Variants in POGLUT1 observed in about 807,000 individuals in gnomAD.
The protein encoded by POGLUT1 is protein O-glucosyltransferase 1, also known as 9630046K23Rik.
POGLUT1 carries 32 observed loss-of-function variants against 61.3 expected under a neutral mutation model. The observed-to-expected ratio is 0.52, with a 90% CI of 0.39 to 0.70. The LOEUF (loss-of-function observed/expected upper bound fraction) is 0.70. Among genes scored for constraint, POGLUT1 ranks in the 30% least tolerant of loss-of-function variants. The pLI is 0.00. For synonymous variants in POGLUT1, 158 were observed against 158.2 expected (o/e 1.00, Z 0.01); for missense variants, 411 against 469.8 (o/e 0.87, Z 1.16).
chr3:119,485,395 A>C lies in POGLUT1; in HGVS notation c.638+8A>C, dbSNP rs1199577837. ...ATATTTCCGAGGATCAAGGTGAGTT[A>C]TTTTCTGACATTTTACAAAGATATT... On this transcript the variant is annotated splice_region_variant and intron_variant, in intron 6 of 10. Transcript: ENST00000295588. 1.8e-5 allele frequency: 29 copies of C among 1,577,778 alleles called. No homozygotes were observed. The highest frequency in any genetic ancestry group is 2.4e-5 in the Non-Finnish European group (28 of 1,148,934).
Position 119,471,433 on chromosome 3 carries a change from G to A in POGLUT1, c.301G>A (p.Asp101Asn). 1 of 1,614,078 alleles carries A rather than the reference G, an allele frequency of 6.2e-7. No individual in the cohort carries two copies. The highest frequency in any genetic ancestry group is 8.5e-7 in the Non-Finnish European group (1 of 1,179,944). The change falls in exon 3 of 11, where the codon GAC (aspartate) becomes AAC (asparagine). Residue 101 changes from aspartate (D) to asparagine (N), a missense_variant. Coordinates refer to ENST00000295588, the MANE Select transcript of POGLUT1 (RefSeq NM_152305.3). ...TAAGAACAGACTGTACCGGGAAAAT[G>A]ACTGCATGTTCCCCTCAAGGTAAGA... Reference protein sequence around the residue: ...ITKNRLYRENDCMFPSRCSGV... With the variant: ...ITKNRLYRENNCMFPSRCSGV...
intron 5 of POGLUT1, among the ~76,000 whole-genome samples, chr3:119,480,437 G>T (rs924890819): frequency 1.3e-5 from 2 of 151,690 alleles, no homozygotes; most frequent in Non-Finnish European, 2.9e-5. Context: ...TAGTAGAGAC[G>T]GGGTGTCTCC....
chr3:119,470,392 A>G (rs1411508594), intron 2 of POGLUT1, among the ~76,000 whole-genome samples: 1 of 152,176 alleles, frequency 6.6e-6, no homozygotes, highest in African/African-American at 2.4e-5. Context: ...CCTGGCCAAC[A>G]TGGTGAAACC....
chr3:119,491,481 G>C, intron 9 of POGLUT1, 37 bp from the exon 10 acceptor site: 1 of 1,010,430 alleles, frequency 9.9e-7, no homozygotes, highest in Non-Finnish European at 1.5e-6. Context: ...AATGAAGTTG[G>C]TCTATATTTC....
chr3:119,473,810 G>A (rs1422992122), intron 3 of POGLUT1, among the ~76,000 whole-genome samples: 7 of 151,888 alleles, frequency 4.6e-5, no homozygotes, highest in African/African-American at 9.7e-5. Context: ...ACAGGCGCCC[G>A]CCACCACACC....
At chr3:119,471,475 T>C (rs749368102) in intron 3 of POGLUT1, 23 bp downstream of exon 3, 22 of 1,610,076 alleles carry the variant, frequency 1.4e-5, no homozygotes, top group African/African-American at 2.7e-5. Context: ...GAGGTAGATA[T>C]ATCTTCTGAC....
rs558061518 is a variant in POGLUT1, at chr3:119,491,170, AT to A, written c.966-340del. ...ATCATGGTGATATCTGTGTATATAT[AT>A]TTTTTTTCTATATATAAATATATTT... On this transcript the variant is annotated intron_variant, in intron 9 of 10. Transcript: ENST00000295588. 3.7e-3 allele frequency among the ~76,000 whole-genome samples: 544 copies of A among 147,926 alleles called. 2 individuals carry two copies. The highest frequency in any genetic ancestry group is 1.0e-2 in the African/African-American group (408 of 40,854).
chr3:119,479,529 A>G (rs1051193926), intron 4 of POGLUT1, among the ~76,000 whole-genome samples: 6 of 152,208 alleles, frequency 3.9e-5, no homozygotes, highest in Non-Finnish European at 8.8e-5. Context: ...GCATAGAACC[A>G]TTAAGTAACT....
chr3:119,493,176 A>G lies in POGLUT1; in HGVS notation c.*738A>G, dbSNP rs997888137. ...AAAAAAAAAAAGACAAAGCCTCTTA[A>G]TAAATTTAATGGAACTATACATAGA... is the stretch of plus-strand genomic sequence containing the variant. On this transcript the variant is annotated 3_prime_UTR_variant, in exon 11 of 11. Transcript: ENST00000295588. 4 of 151,230 alleles carry G rather than the reference A, an allele frequency of 2.6e-5. No homozygotes were observed. Among genetic ancestry groups the G allele is most frequent in the Non-Finnish European group, 5.9e-5 (4 of 67,850 alleles). 9.4% of individuals were successfully genotyped at this position (151,230 alleles called of 1,614,324 possible). A position where few individuals can be genotyped will look rare whatever the true frequency, so the allele number is the denominator to read the frequency against.
At position 119,486,929 on chromosome 3, in the gene POGLUT1, G is replaced by A. The variant is rs1218715596; in HGVS notation, c.735G>A (p.Met245Ile). 22 of 1,598,446 alleles carry A rather than the reference G, an allele frequency of 1.4e-5. No individual in the cohort carries two copies. Among genetic ancestry groups the A allele is most frequent in the East Asian group, 2.2e-5 (1 of 44,822 alleles). Residue 245 changes from methionine (M) to isoleucine (I), a missense_variant, in exon 7 of 11, where the codon ATG (methionine) becomes ATA (isoleucine). By Grantham distance (10) the Met-to-Ile change is conservative. Coordinates refer to ENST00000295588, the MANE Select transcript of POGLUT1 (RefSeq NM_152305.3). ...EYTKNQAWKSMKDTLGKPAAK... is the reference protein window; with the variant it reads ...EYTKNQAWKSIKDTLGKPAAK... ...CCAAAAACCAGGCCTGGAAATCTATGAAAGTAATCACCAGTCATCTGACTA... is the reference window on the plus strand; with the variant it reads ...CCAAAAACCAGGCCTGGAAATCTATAAAAGTAATCACCAGTCATCTGACTA...
intron 2 of POGLUT1, among the ~76,000 whole-genome samples, chr3:119,470,289 C>T (rs952411903): frequency 2.6e-5 from 4 of 152,194 alleles, no homozygotes; most frequent in African/African-American, 9.7e-5. Flanking sequence ...AGAAAATGCA[C>T]ATCAGGCTGG....
intron 4 of POGLUT1, chr3:119,478,412 G>A (rs2081565630): frequency 1.3e-5 from 6 of 456,560 alleles, no homozygotes; most frequent in South Asian, 3.1e-5. Context: ...CTCATTTCTC[G>A]AAAGTGTTTG....
At chr3:119,489,552 G>A (rs2081714590) in intron 8 of POGLUT1, 1 of 152,760 alleles carries the variant, frequency 6.5e-6, no homozygotes, top group Non-Finnish European at 1.5e-5. Context: ...CAGAGTAGGA[G>A]CTATATGGTG....
intron 9 of POGLUT1, among the ~76,000 whole-genome samples, chr3:119,491,223 ATATC>A (rs1447589052): frequency 2.0e-5 from 3 of 148,072 alleles, no homozygotes; most frequent in South Asian, 4.2e-4. Context: ...AATAATATAA[ATATC>A]TAATATAATA....
intron 8 of POGLUT1, chr3:119,490,274 G>A (rs2081725589): frequency 1.5e-5 from 6 of 404,734 alleles, no homozygotes; most frequent in Non-Finnish European, 2.7e-5. Flanking sequence ...ACTCTACCCG[G>A]CACCCAGCTC....
intron 7 of POGLUT1, chr3:119,488,048 A>G (rs1470177394): frequency 6.6e-6 from 1 of 152,214 alleles, no homozygotes; most frequent in Non-Finnish European, 1.5e-5. Context: ...TCCATATACC[A>G]TATGAGGATG....
chr3:119,471,762 G>C (rs1327355074), intron 3 of POGLUT1: 8 of 358,840 alleles, frequency 2.2e-5, no homozygotes, highest in Non-Finnish European at 3.2e-5. Flanking sequence ...CCTAGCAGGA[G>C]GGAGCTAGGC....
chr3:119,490,688 T>C lies in POGLUT1; in HGVS notation c.935T>C (p.Ile312Thr). 6.2e-7 allele frequency: 1 copy of C among 1,614,110 alleles called. No homozygotes were observed. The highest frequency in any genetic ancestry group is 1.1e-5 in the South Asian group (1 of 91,076). The change falls in exon 9 of 11, where the codon ATC (isoleucine) becomes ACC (threonine). Residue 312 changes from isoleucine to threonine, a missense_variant. Transcript: ENST00000295588. ...YPQLKPWVHY[I>T]PVKTDLSNVQ... ...CAGCTGAAGCCATGGGTTCACTATA[T>C]CCCAGTCAAAACAGATCTCTCCAAT...
At chr3:119,491,241 A>G (rs2081741314) in intron 9 of POGLUT1, among the ~76,000 whole-genome samples, 1 of 148,148 alleles carries the variant, frequency 6.8e-6, no homozygotes, top group East Asian at 1.9e-4. Flanking sequence ...TATAATATAT[A>G]ATATAAATAT....
Sources: gnomAD v4.1 joint callset for allele counts (sites outside exome capture counted in the v4.1 genomes callset) on GRCh38, gnomAD v4.1.1 for gene constraint, MANE v1.5 for transcripts, NCBI Gene and HGNC (gene_info 2026-07-23, HGNC 2026-07-21) for gene names.